The following PTPN22 variants were observed in gnomAD, a reference collection of about 807,000 sequenced individuals.
The protein encoded by PTPN22 is protein tyrosine phosphatase non-receptor type 22.
A neutral mutation model predicts 103.3 loss-of-function variants in PTPN22; 85 were observed. That is an observed-to-expected ratio of 0.82 (90% confidence interval 0.69 to 0.99). PTPN22 has a LOEUF of 0.99. Ranked by LOEUF, PTPN22 falls within the 50% of genes least tolerant of loss-of-function variation. The pLI is 0.00. For synonymous variants in PTPN22, 323 were observed against 310.2 expected, an observed-to-expected ratio of 1.04 and a Z score of -0.43; for missense variants, 865 against 936.9, an observed-to-expected ratio of 0.92 and a Z score of 1.00.
chr1:113,837,563 C>G (rs778581167), intron 13 of PTPN22, 27 bp downstream of exon 13: 3 of 1,452,380 alleles, frequency 2.1e-6, no homozygotes, highest in East Asian at 2.3e-5. Flanking sequence ...ATCTAAAATT[C>G]TATGCAAACT....
chr1:113,858,649 T>TG, intron 3 of PTPN22, 76 bp from the exon 4 acceptor site: 1 of 1,004,560 alleles, frequency 1.0e-6, no homozygotes, highest in African/African-American at 1.7e-5. Flanking sequence ...CTTCCTTTTT[T>TG]TTTTTTTTTT....
intron 1 of PTPN22, among the ~76,000 whole-genome samples, chr1:113,870,515 T>C (rs928366166): frequency 6.6e-6 from 1 of 152,206 alleles, no homozygotes; most frequent in Non-Finnish European, 1.5e-5. Context: ...ATTGCATCAA[T>C]AATCACAGTT....
intron 9 of PTPN22, among the ~76,000 whole-genome samples, chr1:113,852,525 G>C (rs1035659191): frequency 2.6e-5 from 4 of 152,192 alleles, no homozygotes; most frequent in Admixed American, 2.6e-4. Flanking sequence ...AGTAAGTTGA[G>C]TCCATCTATT....
At chr1:113,850,196 CAAAAGAAGGAAGGAAGGAAGGAAG>C (rs1558043325) in intron 10 of PTPN22, among the ~76,000 whole-genome samples, 1 of 119,182 alleles carries the variant, frequency 8.4e-6, no homozygotes, top group African/African-American at 3.3e-5. Context: ...AACTCCATCT[CAAAAGAAGGAAGGAAGGAAGGAAG>C]GAAGGAAGGA....
chr1:113,869,902 A>C (rs532797668), intron 1 of PTPN22, among the ~76,000 whole-genome samples: 1 of 152,292 alleles, frequency 6.6e-6, no homozygotes, highest in Admixed American at 6.5e-5. Context: ...AGCCAGTGGC[A>C]GTGAGAGCAC....
At chr1:113,826,681 T>TA in intron 18 of PTPN22, among the ~76,000 whole-genome samples, 1 of 138,464 alleles carries the variant, frequency 7.2e-6, no homozygotes, top group African/African-American at 2.7e-5. Flanking sequence ...TTTTTTTTTT[T>TA]TTTTTTGAGA....
chr1:113,839,554 T>C (rs1370773039), intron 11 of PTPN22, among the ~76,000 whole-genome samples: 1 of 152,158 alleles, frequency 6.6e-6, no homozygotes. Context: ...TTATGAAATA[T>C]GTTATTGTGG....
chr1:113,858,560 G>A (rs751531344), exon 4 of PTPN22: 7 of 1,590,178 alleles, frequency 4.4e-6, no homozygotes, highest in Non-Finnish European at 6.0e-6. Context: ...ATAAGCCTTG[G>A]GTCCATAAAC....
chr1:113,841,744 A>T (rs1002428946), intron 11 of PTPN22, among the ~76,000 whole-genome samples: 1 of 152,078 alleles, frequency 6.6e-6, no homozygotes, highest in East Asian at 1.9e-4. Flanking sequence ...CTGGGATTAC[A>T]GGCACACGCC....
intron 5 of PTPN22, among the ~76,000 whole-genome samples, chr1:113,857,090 C>A (rs949489448): frequency 2.0e-5 from 3 of 152,064 alleles, no homozygotes; most frequent in African/African-American, 7.2e-5. Context: ...AATAACATAT[C>A]TTAGCCCAAT....
intron 11 of PTPN22, among the ~76,000 whole-genome samples, chr1:113,840,526 GAAATT>G (rs1003270796): frequency 3.9e-5 from 6 of 152,062 alleles, no homozygotes; most frequent in African/African-American, 1.4e-4. Flanking sequence ...TTTGCTGAAA[GAAATT>G]AAATAAGATA....
At chr1:113,838,116 A>C in exon 13 of PTPN22, 1 of 1,614,082 alleles carries the variant, frequency 6.2e-7, no homozygotes, top group South Asian at 1.1e-5. Context: ...TTACAGGTTT[A>C]GAATTAGAAC....
At chr1:113,858,635 T>G in intron 3 of PTPN22, 62 bp from the exon 4 acceptor site, 1 of 947,860 alleles carries the variant, frequency 1.1e-6, no homozygotes, top group Non-Finnish European at 1.5e-6. Flanking sequence ...CACCTAGTCC[T>G]CCGCTTCCTT....
At chr1:113,830,741 A>C (rs1453173857) in intron 16 of PTPN22, among the ~76,000 whole-genome samples, 2 of 152,142 alleles carry the variant, frequency 1.3e-5, no homozygotes, top group Non-Finnish European at 2.9e-5. Context: ...TCAGTAATGG[A>C]CATATTTTCC....
intron 20 of PTPN22, among the ~76,000 whole-genome samples, chr1:113,818,106 A>G (rs1661304096): frequency 6.6e-6 from 1 of 151,964 alleles, no homozygotes; most frequent in African/African-American, 2.4e-5. Context: ...TAGTTTTTAC[A>G]ATATTCTGTG....
chr1:113,847,288 T>C (rs918217427), intron 11 of PTPN22, among the ~76,000 whole-genome samples: 3 of 150,336 alleles, frequency 2.0e-5, no homozygotes, highest in African/African-American at 7.3e-5. Flanking sequence ...GATTTAAGCA[T>C]GTTTTTACCT....
intron 18 of PTPN22, 107 bp from the exon 19 acceptor site, chr1:113,825,279 T>C (rs896833679): frequency 2.6e-6 from 2 of 756,724 alleles, no homozygotes; most frequent in East Asian, 2.9e-5. Flanking sequence ...TCCTTAAAAA[T>C]AGCCATGAAA....
At position 113,852,105 on chromosome 1, in the gene PTPN22, C is replaced by G; in HGVS notation, c.751-1G>C. ...AAACACTGAAGTTCTCAGGAATTATCTATCAAATTAAAGGGGAAAATATTC... is the reference window on the plus strand; with the variant it reads ...AAACACTGAAGTTCTCAGGAATTATGTATCAAATTAAAGGGGAAAATATTC... On this transcript the variant is annotated splice_acceptor_variant, in intron 9 of 20. Coordinates refer to ENST00000359785, the Ensembl canonical transcript of PTPN22. LOFTEE classifies it high-confidence loss of function. 1 of 1,599,932 alleles carries G rather than the reference C, an allele frequency of 6.3e-7. No homozygotes were observed. The highest frequency in any genetic ancestry group is 1.3e-5 in the African/African-American group (1 of 74,738).
chr1:113,839,934 G>A (rs896445026), intron 11 of PTPN22, among the ~76,000 whole-genome samples: 2 of 151,948 alleles, frequency 1.3e-5, no homozygotes, highest in Non-Finnish European at 2.9e-5. Context: ...AAAAAAGGCT[G>A]CGCACAGTGG....
Sources: gnomAD v4.1 joint callset for allele counts (sites outside exome capture counted in the v4.1 genomes callset) on GRCh38, gnomAD v4.1.1 for gene constraint, MANE v1.5 for transcripts, NCBI Gene and HGNC (gene_info 2026-07-23, HGNC 2026-07-21) for gene names.